Variants in ZNF827 observed in about 807,000 individuals in gnomAD.
ZNF827 encodes the protein zinc finger protein 827.
In ZNF827, 13 loss-of-function variants were observed where a neutral mutation model predicts 102.4. The ratio of observed to expected loss-of-function variants is 0.13; its 90% CI spans 0.08 to 0.20. The LOEUF (loss-of-function observed/expected upper bound fraction) is 0.20, where lower values mean the gene tolerates loss of function less well. Ranked by LOEUF, ZNF827 falls within the 10% of genes least tolerant of loss-of-function variation. The pLI is 1.00. For synonymous variants in ZNF827, 523 were observed against 536.2 expected, an observed-to-expected ratio of 0.98 and a Z score of 0.34; for missense variants, 1,103 against 1,344.4, an observed-to-expected ratio of 0.82 and a Z score of 2.81.
chr4:145,898,622 A>C (rs1751161825), intron 2 of ZNF827, among the ~76,000 whole-genome samples: 1 of 152,224 alleles, frequency 6.6e-6, no homozygotes. Context: ...CCCCTTTCAG[A>C]GGAGCCGTGT....
chr4:145,823,443 G>A lies in ZNF827; in HGVS notation c.2362C>T (p.His788Tyr). Residue 788 changes from histidine to tyrosine, a missense_variant, in exon 8 of 15, where the codon CAC (histidine) becomes TAC (tyrosine). His to Tyr is a moderately conservative substitution (Grantham distance 83). Coordinates refer to ENST00000508784, the MANE Select transcript of ZNF827 (RefSeq NM_001306215.2). The stretch of plus-strand genomic sequence containing the variant: ...ATACCTGGAGCTGATATTCTTCCGT[G>A]CAGCACGGAGTCACTGGGCAGCAGT... ...KELLPSDSVL[H>Y]GRISAPETEK... The A allele has an allele frequency of 1.9e-6, 3 of 1,613,908 alleles. No individual in the cohort carries two copies. The highest frequency in any genetic ancestry group is 2.2e-5 in the South Asian group (2 of 91,068).
At chr4:145,906,081 A>G (rs1481362288) in intron 1 of ZNF827, among the ~76,000 whole-genome samples, 1 of 152,206 alleles carries the variant, frequency 6.6e-6, no homozygotes, top group African/African-American at 2.4e-5. Context: ...ACTATTAAAT[A>G]CGTTAAGTAA....
intron 5 of ZNF827, among the ~76,000 whole-genome samples, chr4:145,854,046 G>A (rs1297991652): frequency 1.3e-5 from 2 of 152,162 alleles, no homozygotes; most frequent in Non-Finnish European, 2.9e-5. Flanking sequence ...TGAGAGGCAG[G>A]TGAGATGAAA....
intron 11 of ZNF827, among the ~76,000 whole-genome samples, chr4:145,766,068 GT>G (rs1304467528): frequency 6.6e-6 from 1 of 152,092 alleles, no homozygotes; most frequent in Non-Finnish European, 1.5e-5. Context: ...ATCTCATTTT[GT>G]TTTTTCAAAA....
At position 145,858,134 on chromosome 4, in the gene ZNF827, A is replaced by AGTGT. The variant is rs10553157; in HGVS notation, c.1982-8577_1982-8574dup. On this transcript the variant is annotated intron_variant, in intron 5 of 14. Transcript: ENST00000508784. The stretch of plus-strand genomic sequence containing the variant: ...GAGTGCTGATGTGTGTGCATGTGTG[A>AGTGT]GTGTGTGTGTGTGTGTGTGTGTGTG... Among the ~76,000 whole-genome samples, 1,121 of 147,096 alleles carry AGTGT rather than the reference A, an allele frequency of 7.6e-3. 9 individuals are homozygous for AGTGT. Among genetic ancestry groups the AGTGT allele is most frequent in the Non-Finnish European group, 0.01 (673 of 65,842 alleles).
chr4:145,770,124 C>T (rs115413191), intron 11 of ZNF827, among the ~76,000 whole-genome samples: 4 of 152,004 alleles, frequency 2.6e-5, no homozygotes, highest in African/African-American at 9.7e-5. Flanking sequence ...TGGCAAAACC[C>T]CATCTCTACT....
chr4:145,900,239 A>G lies in ZNF827; in HGVS notation c.1093+1927T>C, dbSNP rs187043194. Among the ~76,000 whole-genome samples the G allele has an allele frequency of 1.8e-3, 278 of 152,306 alleles. 1 individual carries two copies. Among genetic ancestry groups the G allele is most frequent in the Non-Finnish European group, 2.8e-3 (188 of 68,026 alleles). ...TGCTACAGTCTGGGCTTCAGGAAAC[A>G]TGGTTTTATCAGTCACTTCTTTCCA... On this transcript the variant is annotated intron_variant, in intron 2 of 14. Coordinates refer to ENST00000508784, the MANE Select transcript of ZNF827 (RefSeq NM_001306215.2).
At chr4:145,803,575 T>C (rs1741126156) in intron 8 of ZNF827, among the ~76,000 whole-genome samples, 1 of 152,206 alleles carries the variant, frequency 6.6e-6, no homozygotes, top group Non-Finnish European at 1.5e-5. Context: ...GAGCTAATAT[T>C]ATCATCTTGA....
intron 2 of ZNF827, among the ~76,000 whole-genome samples, chr4:145,893,885 T>C (rs1750788042): frequency 6.6e-6 from 1 of 151,868 alleles, no homozygotes; most frequent in African/African-American, 2.4e-5. Context: ...CTTCAACATG[T>C]AAGTGGCATT....
At chr4:145,920,992 T>C (rs1753023995) in intron 1 of ZNF827, among the ~76,000 whole-genome samples, 1 of 152,196 alleles carries the variant, frequency 6.6e-6, no homozygotes, top group African/African-American at 2.4e-5. Flanking sequence ...AAGTATACTA[T>C]GCACACAAAG....
At chr4:145,789,760 G>A (rs980309427) in intron 8 of ZNF827, among the ~76,000 whole-genome samples, 17 of 152,194 alleles carry the variant, frequency 1.1e-4, no homozygotes, top group Non-Finnish European at 2.1e-4. Context: ...TCTTCTGTCT[G>A]TTACAATCTC....
chr4:145,920,972 A>C (rs2126962321), intron 1 of ZNF827, among the ~76,000 whole-genome samples: 1 of 152,364 alleles, frequency 6.6e-6, no homozygotes, highest in East Asian at 1.9e-4. Context: ...AAGAACATCG[A>C]CTAGTAAGGA....
At chr4:145,795,278 G>T (rs1478834973) in intron 8 of ZNF827, among the ~76,000 whole-genome samples, 1 of 152,180 alleles carries the variant, frequency 6.6e-6, no homozygotes, top group Non-Finnish European at 1.5e-5. Context: ...CTTCCGAGCA[G>T]CTGGGATTAC....
At chr4:145,867,154 C>T (rs1748284878) in intron 5 of ZNF827, among the ~76,000 whole-genome samples, 1 of 152,208 alleles carries the variant, frequency 6.6e-6, no homozygotes, top group Admixed American at 6.5e-5. Context: ...CCAGTGCTTT[C>T]CTCAGAGTGT....
At chr4:145,829,598 G>C (rs1744002646) in intron 7 of ZNF827, among the ~76,000 whole-genome samples, 1 of 152,176 alleles carries the variant, frequency 6.6e-6, no homozygotes, top group African/African-American at 2.4e-5. Flanking sequence ...CAAGCTATCT[G>C]ACTTAGATAT....
chr4:145,855,094 G>A (rs1001547825), intron 5 of ZNF827, among the ~76,000 whole-genome samples: 27 of 152,254 alleles, frequency 1.8e-4, no homozygotes, highest in African/African-American at 6.3e-4. Flanking sequence ...AATCTGCTGC[G>A]AACACTCATA....
chr4:145,818,039 C>T (rs537316606), intron 8 of ZNF827, among the ~76,000 whole-genome samples: 3 of 152,256 alleles, frequency 2.0e-5, no homozygotes, highest in South Asian at 2.1e-4. Context: ...GAAGAGAATA[C>T]AATTAGAATT....
intron 1 of ZNF827, among the ~76,000 whole-genome samples, chr4:145,915,157 C>A (rs1284135806): frequency 1.3e-5 from 2 of 152,164 alleles, no homozygotes; most frequent in Non-Finnish European, 2.9e-5. Flanking sequence ...TATAAAAACT[C>A]ATTCTCTTGG....
intron 7 of ZNF827, among the ~76,000 whole-genome samples, chr4:145,825,631 G>A (rs1299960097): frequency 3.3e-5 from 5 of 152,298 alleles, no homozygotes; most frequent in Non-Finnish European, 5.9e-5. Context: ...TAGGTGAAGC[G>A]AGCAGAGGCT....
Sources: allele counts gnomAD v4.1 joint callset (sites outside exome capture counted in the v4.1 genomes callset), GRCh38; gene constraint gnomAD v4.1.1; transcripts MANE v1.5; gene names NCBI Gene and HGNC (gene_info 2026-07-23, HGNC 2026-07-21).